Variants in CSMD2 observed in about 807,000 individuals in gnomAD.
CSMD2 encodes CUB and sushi domain-containing protein 2.
In CSMD2, 130 loss-of-function variants were observed where a neutral mutation model predicts 398.5. The ratio of observed to expected loss-of-function variants is 0.33; its 90% confidence interval spans 0.28 to 0.38. CSMD2 has a LOEUF of 0.38. Among genes scored for constraint, CSMD2 ranks in the 10% least tolerant of loss-of-function variants. The probability of loss-of-function intolerance (pLI) is 1.00; values close to 1 mark genes in which losing one functional copy is unlikely to be tolerated. For missense variants in CSMD2, 3,829 were observed against 4,764.9 expected (o/e 0.80, Z 5.78); for synonymous variants, 1,828 against 1,908.5 (o/e 0.96, Z 1.10).
intron 1 of CSMD2, among the ~76,000 whole-genome samples, chr1:34,159,337 C>CT (rs974847403): frequency 2.2e-5 from 2 of 91,474 alleles, no homozygotes; most frequent in African/African-American, 9.7e-5. Context: ...TGCCCCCCCC[C>CT]CACCCAGGAG....
At chr1:34,087,656 TAAA>T (rs1235117946) in intron 2 of CSMD2, among the ~76,000 whole-genome samples, 9 of 143,120 alleles carry the variant, frequency 6.3e-5, no homozygotes. Flanking sequence ...ATAATAATAA[TAAA>T]GCCAGCACTC....
At chr1:33,878,704 TAGGGAGG>T (rs1049396790) in intron 5 of CSMD2, among the ~76,000 whole-genome samples, 3 of 152,144 alleles carry the variant, frequency 2.0e-5, no homozygotes, top group African/African-American at 7.2e-5. Flanking sequence ...AAGGACACCT[TAGGGAGG>T]CCTGAGGACA....
intron 1 of CSMD2, among the ~76,000 whole-genome samples, chr1:34,140,814 CA>C (rs1464652595): frequency 3.3e-5 from 5 of 152,136 alleles, no homozygotes; most frequent in Non-Finnish European, 5.9e-5. Context: ...ACCCTCCTCC[CA>C]GGGTGACTTA....
chr1:33,768,351 G>A (rs1412302077), intron 13 of CSMD2, among the ~76,000 whole-genome samples: 1 of 152,070 alleles, frequency 6.6e-6, no homozygotes, highest in Non-Finnish European at 1.5e-5. Context: ...GGGTGCTACT[G>A]GTAGATGACA....
intron 21 of CSMD2, 76 bp from the exon 22 acceptor site, chr1:33,709,334 A>G (rs1327227834): frequency 3.0e-6 from 4 of 1,326,852 alleles, no homozygotes; most frequent in Non-Finnish European, 4.1e-6. Context: ...GCTCTGAAGA[A>G]CCTGACAAAG....
At chr1:33,653,037 G>A (rs963426580) in intron 27 of CSMD2, among the ~76,000 whole-genome samples, 6 of 152,162 alleles carry the variant, frequency 3.9e-5, no homozygotes, top group Non-Finnish European at 5.9e-5. Flanking sequence ...GATTTCAGGC[G>A]TGAGCCACCG....
At chr1:33,988,413 G>C (rs1016760937) in intron 3 of CSMD2, among the ~76,000 whole-genome samples, 1 of 152,186 alleles carries the variant, frequency 6.6e-6, no homozygotes, top group African/African-American at 2.4e-5. Context: ...CAGCCCATCT[G>C]CAGAGAGCCA....
At chr1:34,038,759 A>G (rs553770753) in intron 2 of CSMD2, among the ~76,000 whole-genome samples, 5 of 152,362 alleles carry the variant, frequency 3.3e-5, no homozygotes, top group African/African-American at 1.2e-4. Context: ...AAGTGCAGGC[A>G]ATAAGGGCAT....
rs2148909016 is a variant in CSMD2 at position 33,633,611 on chromosome 1, C to T, written c.5087-76G>A. 3 of 1,136,748 alleles carry T rather than the reference C, an allele frequency of 2.6e-6. No homozygotes were observed. In the South Asian group the frequency reaches 4.0e-5, roughly 15 times the overall value. 70.4% of individuals were successfully genotyped at this position (1,136,748 alleles called of 1,614,324 possible). A position where few individuals can be genotyped will look rare whatever the true frequency, so the allele number is the denominator to read the frequency against. ...GAGGGGATCTAGGGGTCTAGGGGCCCAAGCCAGGAGGAGGGCAGCCCTGGG... is the reference window on the plus strand; with the variant it reads ...GAGGGGATCTAGGGGTCTAGGGGCCTAAGCCAGGAGGAGGGCAGCCCTGGG... On this transcript the variant is annotated intron_variant, in intron 31 of 70. Transcript: ENST00000373381. This position sits in a 1 kb window ranked among gnomAD's most constrained non-coding sequence, Gnocchi z 5.0.
At chr1:34,121,184 T>A (rs967353047) in intron 1 of CSMD2, among the ~76,000 whole-genome samples, 1 of 152,166 alleles carries the variant, frequency 6.6e-6, no homozygotes, top group African/African-American at 2.4e-5. Flanking sequence ...AGCTGAAGTC[T>A]GGGGTTTTCT....
At position 33,557,852 on chromosome 1, in the gene CSMD2, C is replaced by T. The variant is rs755942987; in HGVS notation, c.8625G>A (p.Arg2875=). The T allele has an allele frequency of 6.5e-7, 1 of 1,536,076 alleles. No individual in the cohort carries two copies. Among genetic ancestry groups the T allele is most frequent in the South Asian group, 1.2e-5 (1 of 84,044 alleles). ...VRQVHASGPH[R]FSFGTTVSYR... ...AAGACACAGTGGTGCCGAAGCTGAA[C>T]CTGTGCGGGCCGCTGGCGTGGACCT... The change falls in exon 55 of 71, where the codon AGG becomes AGA. Residue 2875 remains arginine (R), a synonymous_variant. Coordinates refer to ENST00000373381, the MANE Select transcript of CSMD2 (RefSeq NM_001281956.2).
chr1:33,612,567 GTTCA>G (rs774473237), intron 40 of CSMD2, among the ~76,000 whole-genome samples: 2 of 152,000 alleles, frequency 1.3e-5, no homozygotes, highest in Non-Finnish European at 2.9e-5. Context: ...CAAAAATATA[GTTCA>G]TTCATTTTAA....
chr1:33,793,310 A>C (rs1654549625), intron 10 of CSMD2, among the ~76,000 whole-genome samples: 1 of 152,096 alleles, frequency 6.6e-6, no homozygotes, highest in Non-Finnish European at 1.5e-5. Context: ...CATCAGGCCA[A>C]AGGGGGATGC....
chr1:33,714,814 C>T (rs370586211), intron 20 of CSMD2, 39 bp from the exon 21 acceptor site: 97 of 1,600,724 alleles, frequency 6.1e-5, no homozygotes, highest in Admixed American at 3.5e-4. Context: ...AGAGACATTG[C>T]GGGGAGACAC....
At position 33,716,428 on chromosome 1, in the gene CSMD2, G is replaced by A. The variant is rs770925301; in HGVS notation, c.3075C>T (p.Ser1025=). ...TTAGCTGCCTCAGGGGCTGGGTGAAGCTGCCGTTCTCAGTGATGAGGAGGT... is the reference window on the plus strand; with the variant it reads ...TTAGCTGCCTCAGGGGCTGGGTGAAACTGCCGTTCTCAGTGATGAGGAGGT... ...HDYLLITENG[S]FTQPLRQLTG... is the part of the protein sequence containing the mutation. The change falls in exon 20 of 71, where the codon AGC becomes AGT. Residue 1025 remains serine (S), a synonymous_variant. Transcript: ENST00000373381. 4 of 1,613,846 alleles carry A rather than the reference G, an allele frequency of 2.5e-6. No individual in the cohort carries two copies. The highest frequency in any genetic ancestry group is 1.1e-5 in the South Asian group (1 of 91,068).
At chr1:33,525,878 T>G (rs1292667145) in intron 65 of CSMD2, among the ~76,000 whole-genome samples, 1 of 152,114 alleles carries the variant, frequency 6.6e-6, no homozygotes, top group Admixed American at 6.5e-5. Context: ...GAGATGAGGT[T>G]TCACCATGTT....
intron 13 of CSMD2, among the ~76,000 whole-genome samples, chr1:33,768,535 C>CGTGTGTGT (rs1557864391): frequency 3.5e-5 from 4 of 114,506 alleles, no homozygotes; most frequent in Non-Finnish European, 7.2e-5. Context: ...TGTGTGCGTG[C>CGTGTGTGT]ATGTGTGTGT....
chr1:33,541,649 G>A (rs551601109), intron 58 of CSMD2, among the ~76,000 whole-genome samples: 8 of 152,122 alleles, frequency 5.3e-5, no homozygotes, highest in African/African-American at 1.4e-4. Flanking sequence ...TTTAAATTTT[G>A]TTTTGTCAAA....
intron 44 of CSMD2, among the ~76,000 whole-genome samples, chr1:33,595,738 G>A (rs1639795160): frequency 6.6e-6 from 1 of 152,158 alleles, no homozygotes; most frequent in South Asian, 2.1e-4. Context: ...TCTGCCATAA[G>A]ATATTCCTGG....
Sources: gnomAD v4.1 joint callset for allele counts (sites outside exome capture counted in the v4.1 genomes callset) on GRCh38, gnomAD v4.1.1 for gene constraint, Gnocchi (gnomAD v3.1) non-coding constraint, MANE v1.5 for transcripts, NCBI Gene and HGNC (gene_info 2026-07-23, HGNC 2026-07-21) for gene names.